Variants in CSMD2 observed in about 807,000 individuals in gnomAD.
The protein encoded by CSMD2 is CUB and Sushi multiple domains 2, also known as CUB and sushi domain-containing protein 2.
CSMD2 carries 130 observed loss-of-function variants against 398.5 expected under a neutral mutation model. The observed-to-expected ratio is 0.33, with a 90% CI of 0.28 to 0.38. The LOEUF is 0.38. Ranked by LOEUF, CSMD2 falls within the 10% of genes least tolerant of loss-of-function variation. The pLI, the probability that CSMD2 is intolerant of heterozygous loss-of-function variation, is 1.00. For synonymous variants in CSMD2, 1,828 were observed against 1,908.5 expected (o/e 0.96, Z 1.10); for missense variants, 3,829 against 4,764.9 (o/e 0.80, Z 5.78).
At chr1:33,708,529 C>T (rs1645878823) in intron 22 of CSMD2, among the ~76,000 whole-genome samples, 1 of 151,984 alleles carries the variant, frequency 6.6e-6, no homozygotes, top group African/African-American at 2.4e-5. Flanking sequence ...AGCTCTTCAT[C>T]ATCCATGTTG....
intron 27 of CSMD2, among the ~76,000 whole-genome samples, chr1:33,652,778 T>C (rs918112199): frequency 1.3e-5 from 2 of 152,222 alleles, no homozygotes; most frequent in Admixed American, 6.5e-5. Flanking sequence ...AGACGGAGTC[T>C]CGCTCTGTCC....
chr1:33,861,886 C>T (rs1483612053), intron 5 of CSMD2, among the ~76,000 whole-genome samples: 1 of 152,184 alleles, frequency 6.6e-6, no homozygotes, highest in Non-Finnish European at 1.5e-5. Context: ...CTCCAAGTGA[C>T]CCTGGGGTGG....
At chr1:33,822,209 A>C (rs1458282925) in intron 7 of CSMD2, among the ~76,000 whole-genome samples, 1 of 152,182 alleles carries the variant, frequency 6.6e-6, no homozygotes, top group Non-Finnish European at 1.5e-5. Flanking sequence ...GACATGAGAC[A>C]GCAGGAATGG....
intron 55 of CSMD2, among the ~76,000 whole-genome samples, chr1:33,554,185 CTTTTTTTTTTTTT>C (rs397860875): frequency 1.3e-5 from 1 of 74,384 alleles, no homozygotes; most frequent in Non-Finnish European, 2.4e-5. Context: ...AAAAAACAGC[CTTTTTTTTTTTTT>C]TTTTTTTTTT....
At chr1:33,959,159 C>G (rs1340396756) in intron 3 of CSMD2, among the ~76,000 whole-genome samples, 1 of 152,202 alleles carries the variant, frequency 6.6e-6, no homozygotes, top group Non-Finnish European at 1.5e-5. Context: ...GGCGCCTGCT[C>G]TGAAGACTAT....
Position 33,571,713 on chromosome 1 carries a change from A to G in CSMD2, c.7776T>C (p.Pro2592=), listed in dbSNP as rs1397408301. Residue 2592 remains proline (P), a synonymous_variant, in exon 51 of 71, where the codon CCT becomes CCC. Transcript: ENST00000373381. ...GCTCCACGCTGATGCTACTGACATC[A>G]GGACAAGTCACAGCTGGGGAAATGA... is the stretch of plus-strand genomic sequence containing the variant. ...VPPQCVPVTC[P]DVSSISVEHG... The G allele has an allele frequency of 1.3e-6, 2 of 1,500,258 alleles. No homozygotes were observed. Among genetic ancestry groups the G allele is most frequent in the Admixed American group, 3.8e-5 (2 of 52,174 alleles). The allele number at this position is 1,500,258 out of a possible 1,614,324, so 92.9% of individuals were successfully genotyped here. A position where few individuals can be genotyped will look rare whatever the true frequency, so the allele number is the denominator to read the frequency against.
intron 1 of CSMD2, among the ~76,000 whole-genome samples, chr1:34,146,297 C>T (rs1258008254): frequency 6.6e-6 from 1 of 152,214 alleles, no homozygotes; most frequent in Non-Finnish European, 1.5e-5. Flanking sequence ...CTTTACCCTA[C>T]TCATCAGAGC....
At chr1:33,603,171 G>C (rs531960246) in intron 42 of CSMD2, among the ~76,000 whole-genome samples, 1 of 152,232 alleles carries the variant, frequency 6.6e-6, no homozygotes, top group Admixed American at 6.5e-5. Context: ...GAGGTGAAAC[G>C]ATGCAGGCAA....
intron 1 of CSMD2, among the ~76,000 whole-genome samples, chr1:34,161,367 G>A (rs1013739764): frequency 2.0e-5 from 3 of 152,216 alleles, no homozygotes; most frequent in Admixed American, 6.5e-5. Flanking sequence ...TTCAGAGTGT[G>A]GTAGTGAAAG....
At chr1:33,810,471 G>C (rs1015228206) in intron 10 of CSMD2, among the ~76,000 whole-genome samples, 5 of 152,100 alleles carry the variant, frequency 3.3e-5, no homozygotes, top group Non-Finnish European at 7.4e-5. Context: ...AACAGGATTG[G>C]TGAGGAACCT....
chr1:33,939,021 G>C (rs969969493), intron 3 of CSMD2, among the ~76,000 whole-genome samples: 1 of 151,364 alleles, frequency 6.6e-6, no homozygotes, highest in Admixed American at 6.6e-5. Context: ...GTGATCCCCT[G>C]CTGCTGGTTT....
Position 33,788,658 on chromosome 1 carries a change from C to A in CSMD2, c.1605G>T (p.Trp535Cys). The A allele has an allele frequency of 6.2e-7, 1 of 1,614,050 alleles. No individual in the cohort carries two copies. Among genetic ancestry groups the A allele is most frequent in the Non-Finnish European group, 8.5e-7 (1 of 1,179,920 alleles). The change falls in exon 12 of 71, where the codon TGG (tryptophan) becomes TGT (cysteine). Residue 535 changes from tryptophan to cysteine, a missense_variant. Transcript: ENST00000373381. ...CACTGCCATCAGTCTGGAAGAGGAG[C>A]CACATTTGATGATTGGTGCTGACAA... ...DLIVSTNHQMWLLFQTDGSGS... is the reference protein window; with the variant it reads ...DLIVSTNHQMCLLFQTDGSGS...
chr1:33,520,019 C>A, intron 68 of CSMD2, 69 bp from the exon 69 acceptor site: 1 of 1,561,728 alleles, frequency 6.4e-7, no homozygotes, highest in East Asian at 2.3e-5. Flanking sequence ...CTACCCTCCC[C>A]GACTATACAC....
intron 10 of CSMD2, among the ~76,000 whole-genome samples, chr1:33,794,910 G>A: frequency 6.6e-6 from 1 of 151,542 alleles, no homozygotes; most frequent in East Asian, 2.0e-4. Flanking sequence ...ATGTGGGCCT[G>A]TAGCAAGGTC....
At chr1:33,590,626 CACACACACAT>C (rs1479930115) in intron 44 of CSMD2, among the ~76,000 whole-genome samples, 5 of 139,102 alleles carry the variant, frequency 3.6e-5, no homozygotes, top group Admixed American at 7.1e-5. Context: ...CACACACACA[CACACACACAT>C]ATACTCTTAC....
In CSMD2 at chr1:33,646,920, G is replaced by A. The variant is rs1643466556; in HGVS notation, c.4587-85C>T. On this transcript the variant is annotated intron_variant, in intron 28 of 70. Coordinates refer to ENST00000373381, the MANE Select transcript of CSMD2 (RefSeq NM_001281956.2). ...GGTCTTAGGCTCAACCAAAGCATAG[G>A]GCCTCCCAGGGAGCAAGCCCACCAT... 5.2e-6 allele frequency: 7 copies of A among 1,350,414 alleles called. No homozygotes were observed. The South Asian group carries it at 9.7e-5, about 19-fold the overall frequency. 83.7% of individuals were successfully genotyped at this position (1,350,414 alleles called of 1,614,324 possible).
chr1:33,955,082 A>G (rs114245617), intron 3 of CSMD2, among the ~76,000 whole-genome samples: 2,871 of 152,318 alleles, frequency 0.019, 34 homozygotes, highest in Non-Finnish European at 0.029. Flanking sequence ...AAGGAGGAAG[A>G]GAGGACGATC....
Position 34,137,617 on chromosome 1 carries a change from C to G in CSMD2, c.187+27294G>C, listed in dbSNP as rs72667767. Reference sequence around the variant, plus strand: ...AAGCCCTAGCCATGACACCAGCGCTCCTGGCCCAGTGTATAGCCTGTTCCA... The same window carrying G: ...AAGCCCTAGCCATGACACCAGCGCTGCTGGCCCAGTGTATAGCCTGTTCCA... On this transcript the variant is annotated intron_variant, in intron 1 of 70. Transcript: ENST00000373381. Among the ~76,000 whole-genome samples the G allele has an allele frequency of 7.9e-3, 1,206 of 152,302 alleles. 7 individuals are homozygous for G. The highest frequency in any genetic ancestry group is 0.034 in the Middle Eastern group (10 of 294).
At chr1:33,836,562 G>A (rs945114488) in intron 6 of CSMD2, among the ~76,000 whole-genome samples, 3 of 152,164 alleles carry the variant, frequency 2.0e-5, no homozygotes, top group Admixed American at 1.3e-4. Flanking sequence ...CTCAGCAATG[G>A]TGGGCACCCC....
Sources: gnomAD v4.1 joint callset for allele counts (sites outside exome capture counted in the v4.1 genomes callset) on GRCh38, gnomAD v4.1.1 for gene constraint, MANE v1.5 for transcripts, NCBI Gene and HGNC (gene_info 2026-07-23, HGNC 2026-07-21) for gene names.